The following GNB1L variants were observed in gnomAD, a reference collection of about 807,000 sequenced individuals.
GNB1L encodes G protein subunit beta 1 like.
GNB1L carries 20 observed loss-of-function variants against 29.1 expected under a neutral mutation model. That is an observed-to-expected ratio of 0.69 (90% confidence interval 0.48 to 1.00). The LOEUF (loss-of-function observed/expected upper bound fraction) is 1.00, where lower values mean the gene tolerates loss of function less well. Ranked by LOEUF, GNB1L falls within the 50% of genes least tolerant of loss-of-function variation. The probability of loss-of-function intolerance (pLI) is 0.00; values close to 1 mark genes in which losing one functional copy is unlikely to be tolerated. For missense variants in GNB1L, 421 were observed against 464.9 expected (o/e 0.91, Z 0.87); for synonymous variants, 193 against 206.5 (o/e 0.93, Z 0.56).
chr22:19,806,438 C>T (rs551004098), intron 6 of GNB1L, among the ~76,000 whole-genome samples: 1 of 152,366 alleles, frequency 6.6e-6, no homozygotes, highest in Admixed American at 6.5e-5. Flanking sequence ...GCCACTGCTG[C>T]TGGCTGAAGC....
chr22:19,821,784 C>T (rs1937581521), intron 2 of GNB1L, among the ~76,000 whole-genome samples: 1 of 152,182 alleles, frequency 6.6e-6, no homozygotes. Context: ...GCTTCCTGTC[C>T]ACCACTGGCT....
chr22:19,798,704 G>A (rs1937334811), intron 7 of GNB1L, among the ~76,000 whole-genome samples: 1 of 152,116 alleles, frequency 6.6e-6, no homozygotes, highest in African/African-American at 2.4e-5. Context: ...ACCCACCTCA[G>A]CCATTCTCAG....
At chr22:19,797,323 G>A (rs774693858) in intron 7 of GNB1L, among the ~76,000 whole-genome samples, 4 of 149,086 alleles carry the variant, frequency 2.7e-5, no homozygotes, top group Non-Finnish European at 6.0e-5. Flanking sequence ...CAGAGTGGGC[G>A]GAGCACATGT....
chr22:19,801,919 C>T, intron 7 of GNB1L, 82 bp downstream of exon 7: 2 of 1,195,298 alleles, frequency 1.7e-6, no homozygotes. Flanking sequence ...AACAACTCCT[C>T]TTCATGCCTA....
At chr22:19,840,165 C>T (rs1401918634) in intron 2 of GNB1L, among the ~76,000 whole-genome samples, 1 of 152,042 alleles carries the variant, frequency 6.6e-6, no homozygotes, top group African/African-American at 2.4e-5. Context: ...CTGCAATTGA[C>T]CATGGGTAAC....
At chr22:19,806,612 C>T (rs777603826) in intron 6 of GNB1L, 47 bp downstream of exon 6, 3 of 1,160,406 alleles carry the variant, frequency 2.6e-6, no homozygotes, top group Admixed American at 3.6e-5. Context: ...TGACTCATGG[C>T]CGTGGGTGTG....
chr22:19,832,109 C>CACT (rs1937689250), intron 2 of GNB1L, among the ~76,000 whole-genome samples: 1 of 152,116 alleles, frequency 6.6e-6, no homozygotes, highest in Non-Finnish European at 1.5e-5. Context: ...GTGGGAGGAT[C>CACT]ACTTGAGGCC....
At chr22:19,804,273 G>A (rs771527798) in intron 6 of GNB1L, among the ~76,000 whole-genome samples, 52 of 152,184 alleles carry the variant, frequency 3.4e-4, no homozygotes, top group Non-Finnish European at 6.3e-4. Context: ...CTCCCTGCCC[G>A]CAGATGAGAC....
Position 19,847,079 on chromosome 22 carries a change from T to C in GNB1L, c.-21+7364A>G, listed in dbSNP as rs1019593826. The C allele has an allele frequency of 3.0e-6, 3 of 985,344 alleles. No individual in the cohort carries two copies. In the African/African-American group the frequency reaches 5.2e-5, roughly 17 times the overall value. The allele number at this position is 985,344 out of a possible 1,614,324, so 61.0% of individuals were successfully genotyped here. On this transcript the variant is annotated intron_variant, in intron 2 of 7. Transcript: ENST00000329517. Reference sequence around the variant, plus strand: ...GTCCTATGGAACTCAGGTGTGGCTCTGTGGCTTCCTTTGGCCACAGAAATG... The same window carrying C: ...GTCCTATGGAACTCAGGTGTGGCTCCGTGGCTTCCTTTGGCCACAGAAATG...
At chr22:19,851,547 C>T in intron 2 of GNB1L, 1 of 1,613,166 alleles carries the variant, frequency 6.2e-7, no homozygotes, top group Non-Finnish European at 8.5e-7. Flanking sequence ...GCAGGGGTGG[C>T]CATGGCGGCT....
chr22:19,817,260 G>A (rs1458673845), intron 4 of GNB1L, among the ~76,000 whole-genome samples: 1 of 152,190 alleles, frequency 6.6e-6, no homozygotes, highest in East Asian at 1.9e-4. Flanking sequence ...ACGCCAAGGT[G>A]GGCAGATTAT....
intron 2 of GNB1L, chr22:19,848,639 A>G: frequency 3.0e-6 from 3 of 985,352 alleles, no homozygotes; most frequent in Non-Finnish European, 3.6e-6. Flanking sequence ...TTAATTAAAA[A>G]CCAGGTCACC....
chr22:19,802,872 C>A (rs1937391273), intron 6 of GNB1L, among the ~76,000 whole-genome samples: 1 of 152,234 alleles, frequency 6.6e-6, no homozygotes, highest in African/African-American at 2.4e-5. Context: ...GCAGACACCT[C>A]GTTTGTTAAG....
In GNB1L at chr22:19,783,552, C is replaced by T. The variant is rs41298854; in HGVS notation, c.*5157G>A. The T allele has an allele frequency of 0.015, 2,667 of 175,662 alleles. 61 individuals are homozygous for T. Among genetic ancestry groups the T allele is most frequent in the African/African-American group, 0.054 (2,262 of 41,806 alleles). 10.9% of individuals were successfully genotyped at this position (175,662 alleles called of 1,614,324 possible). On this transcript the variant is annotated 3_prime_UTR_variant, in exon 8 of 8. Coordinates refer to ENST00000329517, the MANE Select transcript of GNB1L (RefSeq NM_053004.3). Reference sequence around the variant, plus strand: ...GTGACAGAGTGAGACCCCCACTGTCCCTGGTCTCTTAAAAGAAAAAACAAA... The same window carrying T: ...GTGACAGAGTGAGACCCCCACTGTCTCTGGTCTCTTAAAAGAAAAAACAAA...
In GNB1L at chr22:19,784,142, T is replaced by C. The variant is rs895560175; in HGVS notation, c.*4567A>G. ...ACATGAAGTTCTAGCTAATTGAGTA[T>C]AAGCATTTCTAAAGAACCCCCGGAG... On this transcript the variant is annotated 3_prime_UTR_variant, in exon 8 of 8. Transcript: ENST00000329517. 1 of 152,236 alleles carries C rather than the reference T, an allele frequency of 6.6e-6. No individual in the cohort carries two copies. Among genetic ancestry groups the C allele is most frequent in the Non-Finnish European group, 1.5e-5 (1 of 68,042 alleles). 9.4% of individuals were successfully genotyped at this position (152,236 alleles called of 1,614,324 possible).
At chr22:19,830,533 C>T (rs1937664702) in intron 2 of GNB1L, among the ~76,000 whole-genome samples, 1 of 152,014 alleles carries the variant, frequency 6.6e-6, no homozygotes, top group Admixed American at 6.5e-5. Flanking sequence ...TTGGAAGACA[C>T]AAAAGTAGAT....
intron 6 of GNB1L, 34 bp from the exon 7 acceptor site, chr22:19,802,250 A>C (rs1353882877): frequency 6.4e-7 from 1 of 1,563,158 alleles, no homozygotes; most frequent in Admixed American, 1.7e-5. Context: ...AGCTCCTGGA[A>C]GGACCCTGAC....
intron 4 of GNB1L, among the ~76,000 whole-genome samples, chr22:19,814,680 C>T (rs1375116693): frequency 1.3e-5 from 2 of 152,126 alleles, no homozygotes; most frequent in Non-Finnish European, 2.9e-5. Context: ...AACCCATCAC[C>T]CCAGTCTTAA....
In GNB1L at chr22:19,806,764, G is replaced by A. The variant is rs747774387; in HGVS notation, c.418-7C>T. The stretch of plus-strand genomic sequence containing the variant: ...GCATCTCCAGAATCTGAACCTGACA[G>A]TAAGAAAACAAGTTGATTTGGGCCG... On this transcript the variant is annotated splice_region_variant and splice_polypyrimidine_tract_variant and intron_variant, in intron 5 of 7. Transcript: ENST00000329517. The A allele has an allele frequency of 1.9e-6, 3 of 1,602,236 alleles. No homozygotes were observed. Among genetic ancestry groups the A allele is most frequent in the South Asian group, 2.2e-5 (2 of 90,828 alleles).
Sources: gnomAD v4.1 joint callset for allele counts (sites outside exome capture counted in the v4.1 genomes callset) on GRCh38, gnomAD v4.1.1 for gene constraint, MANE v1.5 for transcripts, NCBI Gene and HGNC (gene_info 2026-07-23, HGNC 2026-07-21) for gene names.